The following EDA variants were observed in gnomAD, a reference collection of about 807,000 sequenced individuals.
EDA encodes the protein ectodysplasin-A.
In EDA, 2 loss-of-function variants were observed where a neutral mutation model predicts 23.6. The ratio of observed to expected loss-of-function variants is 0.08; its 90% CI spans 0.03 to 0.27. The LOEUF (loss-of-function observed/expected upper bound fraction) is 0.27, where lower values mean the gene tolerates loss of function less well. EDA is among the 10% of genes least tolerant of loss of function. EDA has a pLI of 1.00. For synonymous variants in EDA, 131 were observed against 132.0 expected, an observed-to-expected ratio of 0.99 and a Z score of 0.05; for missense variants, 229 against 324.2, an observed-to-expected ratio of 0.71 and a Z score of 2.26.
At position 70,029,545 on chromosome X, in the gene EDA, T is replaced by C; in HGVS notation, c.741+7T>C. 1 of 1,211,294 alleles carries C rather than the reference T, an allele frequency of 8.3e-7. No homozygotes were observed. The highest frequency in any genetic ancestry group is 1.1e-6 in the Non-Finnish European group (1 of 894,732). On this transcript the variant is annotated splice_region_variant and intron_variant, in intron 5 of 7. Transcript: ENST00000374552. ...TGGAACTCGAGAAAACCAGGTTGGCTGGGGATTGCTCTCTTCCTGGGTAGG... is the reference window on the plus strand; with the variant it reads ...TGGAACTCGAGAAAACCAGGTTGGCCGGGGATTGCTCTCTTCCTGGGTAGG...
chrX:69,721,664 T>C (rs928659575), intron 1 of EDA, among the ~76,000 whole-genome samples: 1 of 111,103 alleles, frequency 9.0e-6, no homozygotes, highest in Non-Finnish European at 1.9e-5. Context: ...TGGGCTGATC[T>C]CTGTTGCTAA....
intron 1 of EDA, among the ~76,000 whole-genome samples, chrX:69,626,252 C>T (rs1325986204): frequency 9.0e-6 from 1 of 111,469 alleles, no homozygotes; most frequent in Non-Finnish European, 1.9e-5. Context: ...TTTGTCAGTT[C>T]CTCAATAAGT....
chrX:70,015,483 G>A (rs1303209547), intron 2 of EDA, among the ~76,000 whole-genome samples: 1 of 111,136 alleles, frequency 9.0e-6, no homozygotes, highest in Admixed American at 9.6e-5. Context: ...TGAGGCAGGA[G>A]AATCACTTGA....
chrX:69,689,011 T>A (rs1363523289), intron 1 of EDA, among the ~76,000 whole-genome samples: 1 of 111,612 alleles, frequency 9.0e-6, no homozygotes. Flanking sequence ...AAGACTGTTT[T>A]TCCCCTATTG....
rs540504292 is a variant in EDA at position 69,756,665 on chromosome X, G to A, written c.396+139961G>A. On this transcript the variant is annotated intron_variant, in intron 1 of 7. Coordinates refer to ENST00000374552, the MANE Select transcript of EDA (RefSeq NM_001399.5). ...TCTGTGTTTAGGATATTCACTGTCA[G>A]GACATTATTTTATTCAAGTAAAATC... is the stretch of plus-strand genomic sequence containing the variant. Among the ~76,000 whole-genome samples the A allele has an allele frequency of 8.0e-5, 9 of 111,981 alleles. No individual in the cohort carries two copies. The South Asian group carries it at 2.3e-3, about 28-fold the overall frequency.
At chrX:69,869,020 G>A (rs2017527098) in intron 1 of EDA, among the ~76,000 whole-genome samples, 1 of 111,742 alleles carries the variant, frequency 8.9e-6, no homozygotes, top group Non-Finnish European at 1.9e-5. Flanking sequence ...CTTGATGGTG[G>A]CACTAATCTC....
intron 1 of EDA, among the ~76,000 whole-genome samples, chrX:69,919,228 G>C (rs758167793): frequency 8.9e-6 from 1 of 112,233 alleles, no homozygotes; most frequent in Non-Finnish European, 1.9e-5. Flanking sequence ...GGGGAAGAGG[G>C]TGGGGATACA....
chrX:69,627,119 A>G (rs936896075), intron 1 of EDA, among the ~76,000 whole-genome samples: 3 of 111,528 alleles, frequency 2.7e-5, no homozygotes, highest in South Asian at 7.6e-4. Flanking sequence ...CAAGCACTGC[A>G]AATTGAGACT....
Position 69,816,477 on chromosome X carries a change from A to G in EDA, c.397-140550A>G, listed in dbSNP as rs1000086695. Among the ~76,000 whole-genome samples, 3 of 111,952 alleles carry G rather than the reference A, an allele frequency of 2.7e-5. No individual in the cohort carries two copies. In the Admixed American group the frequency reaches 2.9e-4, roughly 11 times the overall value. The stretch of plus-strand genomic sequence containing the variant: ...AAACAATACAGGAGCAGATAGCCAC[A>G]ATAGGCAATTTAGAGAGGAACATAA... On this transcript the variant is annotated intron_variant, in intron 1 of 7. Coordinates refer to ENST00000374552, the MANE Select transcript of EDA (RefSeq NM_001399.5).
chrX:70,035,822 C>G lies in EDA; in HGVS notation c.*213C>G. On this transcript the variant is annotated 3_prime_UTR_variant, in exon 8 of 8. Transcript: ENST00000374552. ...AGTTAACAGGACAGTTGATGGAGCC[C>G]CAGGGTTTACATGAAGCAGAACCTT... The G allele has an allele frequency of 4.4e-6, 2 of 452,927 alleles. No individual in the cohort carries two copies. The highest frequency in any genetic ancestry group is 4.0e-5 in the Admixed American group (1 of 25,145). 37.3% of individuals were successfully genotyped at this position (452,927 alleles called of 1,213,427 possible). A position where few individuals can be genotyped will look rare whatever the true frequency, so the allele number is the denominator to read the frequency against.
At chrX:70,031,539 G>A (rs1331854816) in intron 6 of EDA, among the ~76,000 whole-genome samples, 1 of 111,607 alleles carries the variant, frequency 9.0e-6, no homozygotes. Flanking sequence ...TGGAAGGGAG[G>A]GGTTGTGAGT....
intron 4 of EDA, 120 bp downstream of exon 4, chrX:70,028,156 T>C: frequency 9.1e-7 from 1 of 1,100,200 alleles, no homozygotes; most frequent in South Asian, 2.2e-5. Context: ...CAATAAGGGA[T>C]GCAGATCTCC....
intron 1 of EDA, among the ~76,000 whole-genome samples, chrX:69,901,936 G>T (rs1404435367): frequency 1.8e-5 from 2 of 111,768 alleles, no homozygotes; most frequent in Non-Finnish European, 3.8e-5. Context: ...GGGCAGATAT[G>T]GTTTCTTATT....
intron 1 of EDA, among the ~76,000 whole-genome samples, chrX:69,624,039 A>C (rs1401838833): frequency 2.7e-5 from 3 of 111,476 alleles, no homozygotes; most frequent in African/African-American, 9.8e-5. Context: ...TCTTATACCA[A>C]AATAAATTCC....
intron 1 of EDA, among the ~76,000 whole-genome samples, chrX:69,845,887 A>G (rs913030883): frequency 2.7e-5 from 3 of 111,503 alleles, no homozygotes; most frequent in Admixed American, 9.5e-5. Flanking sequence ...ATGTGAGTGA[A>G]CCATCTTAGA....
intron 1 of EDA, among the ~76,000 whole-genome samples, chrX:69,657,012 C>T (rs1933341925): frequency 9.0e-6 from 1 of 111,684 alleles, no homozygotes; most frequent in Admixed American, 9.6e-5. Flanking sequence ...TGGGTATATA[C>T]CCAGTAATAA....
chrX:70,014,094 A>G (rs925417586), intron 2 of EDA, among the ~76,000 whole-genome samples: 3 of 112,107 alleles, frequency 2.7e-5, no homozygotes, highest in Admixed American at 1.9e-4. Context: ...TGGGGAGGGA[A>G]CATAATGCCT....
chrX:69,956,577 C>T (rs1021999742), intron 1 of EDA, among the ~76,000 whole-genome samples: 1 of 110,600 alleles, frequency 9.0e-6, no homozygotes, highest in African/African-American at 3.3e-5. Flanking sequence ...CTCCTGACCT[C>T]AGGTGATCCG....
chrX:69,843,850 G>A (rs925021088), intron 1 of EDA, among the ~76,000 whole-genome samples: 11 of 109,701 alleles, frequency 1.0e-4, no homozygotes, highest in Non-Finnish European at 1.7e-4. Flanking sequence ...GTGAAACCCC[G>A]TCTCTATTAA....
Sources: gnomAD v4.1 joint callset for allele counts (sites outside exome capture counted in the v4.1 genomes callset) on GRCh38, gnomAD v4.1.1 for gene constraint, MANE v1.5 for transcripts, NCBI Gene and HGNC (gene_info 2026-07-23, HGNC 2026-07-21) for gene names.